The following PCCA variants were observed in gnomAD, a reference collection of about 807,000 sequenced individuals.
PCCA encodes propionyl-CoA carboxylase alpha chain, mitochondrial.
A neutral mutation model predicts 101.3 loss-of-function variants in PCCA; 74 were observed. That is an observed-to-expected ratio of 0.73 (90% confidence interval 0.61 to 0.89). The LOEUF is 0.89. PCCA is among the 40% of genes least tolerant of loss of function. The pLI, the probability that PCCA is intolerant of heterozygous loss-of-function variation, is 0.00. For missense variants in PCCA, 891 were observed against 907.0 expected (o/e 0.98, Z 0.23); for synonymous variants, 294 against 313.6 (o/e 0.94, Z 0.66).
At chr13:100,175,469 T>C (rs562467995) in intron 6 of PCCA, among the ~76,000 whole-genome samples, 1 of 152,342 alleles carries the variant, frequency 6.6e-6, no homozygotes, top group African/African-American at 2.4e-5. Flanking sequence ...GACAGGCTGC[T>C]CTGTTTTGCA....
In PCCA at chr13:100,175,989, T is replaced by TA. The variant is rs1261898334; in HGVS notation, c.468+18650dup. Reference sequence around the variant, plus strand: ...ACCTGGTTCCTGTACCCCTTCTAACTATGAAGCCAAGTCTGATCGTTATGC... The same window carrying TA: ...ACCTGGTTCCTGTACCCCTTCTAACTAATGAAGCCAAGTCTGATCGTTATGC... On this transcript the variant is annotated intron_variant, in intron 6 of 23. Transcript: ENST00000376285. Among the ~76,000 whole-genome samples the TA allele has an allele frequency of 5.3e-5, 8 of 152,342 alleles. No homozygotes were observed. The East Asian group carries it at 1.5e-3, about 29-fold the overall frequency.
intron 21 of PCCA, among the ~76,000 whole-genome samples, chr13:100,514,255 CAAATCCA>C (rs2086678522): frequency 1.3e-5 from 2 of 152,170 alleles, no homozygotes; most frequent in East Asian, 3.8e-4. Flanking sequence ...CACAGTGTCG[CAAATCCA>C]CTTGGAACTT....
chr13:100,296,523 A>AT (rs1419606755), intron 12 of PCCA, among the ~76,000 whole-genome samples: 1 of 151,402 alleles, frequency 6.6e-6, no homozygotes. Flanking sequence ...GAGTTCTGGG[A>AT]TTATAGGGGT....
At chr13:100,525,248 C>G (rs2087691087) in intron 22 of PCCA, among the ~76,000 whole-genome samples, 1 of 152,170 alleles carries the variant, frequency 6.6e-6, no homozygotes, top group Non-Finnish European at 1.5e-5. Flanking sequence ...TTGCCGGACT[C>G]TCACAATCAG....
chr13:100,359,088 A>T (rs2074267522), intron 18 of PCCA, among the ~76,000 whole-genome samples: 2 of 114,870 alleles, frequency 1.7e-5, no homozygotes, highest in South Asian at 5.6e-4. Context: ...CAACAGAGCA[A>T]GACTCCTCAA....
At chr13:100,214,517 C>T (rs922033126) in intron 7 of PCCA, among the ~76,000 whole-genome samples, 4 of 151,694 alleles carry the variant, frequency 2.6e-5, no homozygotes, top group East Asian at 1.9e-4. Context: ...CTCTGCCTCC[C>T]GGGTTCAAGC....
chr13:100,479,111 G>A (rs1299953212), intron 21 of PCCA, among the ~76,000 whole-genome samples: 1 of 152,130 alleles, frequency 6.6e-6, no homozygotes, highest in Non-Finnish European at 1.5e-5. Context: ...AAATAGCTGG[G>A]CCCTTTTAGG....
chr13:100,117,550 A>C (rs2048913214), intron 4 of PCCA, among the ~76,000 whole-genome samples: 1 of 151,376 alleles, frequency 6.6e-6, no homozygotes, highest in Non-Finnish European at 1.5e-5. Context: ...GCACGTTCTC[A>C]CTCATAGGTG....
At chr13:100,305,739 AT>A in intron 14 of PCCA, 3 of 374,472 alleles carry the variant, frequency 8.0e-6, no homozygotes, top group South Asian at 2.3e-5. Flanking sequence ...TGCTCCATTA[AT>A]TTTTTTCTAG....
intron 21 of PCCA, among the ~76,000 whole-genome samples, chr13:100,505,273 G>A (rs936318430): frequency 5.9e-5 from 9 of 152,092 alleles, no homozygotes; most frequent in South Asian, 4.1e-4. Flanking sequence ...TGTTTATTTT[G>A]TATTCTTACA....
At chr13:100,233,652 A>G (rs9300595) in intron 7 of PCCA, among the ~76,000 whole-genome samples, 8,732 of 152,170 alleles carry the variant, frequency 0.057, 344 homozygotes, top group South Asian at 0.12. Context: ...TGAAACAGTA[A>G]TAGAGATTTT....
At chr13:100,395,062 A>G (rs933389243) in intron 19 of PCCA, among the ~76,000 whole-genome samples, 1 of 152,176 alleles carries the variant, frequency 6.6e-6, no homozygotes, top group Non-Finnish European at 1.5e-5. Flanking sequence ...CATATCTAAA[A>G]CTTTCTTTGC....
intron 18 of PCCA, among the ~76,000 whole-genome samples, chr13:100,365,802 C>G (rs1450975443): frequency 6.6e-6 from 1 of 152,166 alleles, no homozygotes; most frequent in Admixed American, 6.5e-5. Context: ...ACCTCCCTAT[C>G]AATGCAGATA....
intron 22 of PCCA, among the ~76,000 whole-genome samples, chr13:100,518,155 T>G (rs2086974281): frequency 6.7e-6 from 1 of 150,240 alleles, no homozygotes; most frequent in African/African-American, 2.5e-5. Flanking sequence ...TATTCTGTTT[T>G]TCTTTGAAAT....
intron 18 of PCCA, among the ~76,000 whole-genome samples, chr13:100,361,577 TC>T (rs1286298853): frequency 6.6e-6 from 1 of 151,668 alleles, no homozygotes. Flanking sequence ...CTTTCACAAA[TC>T]AATAAAAATA....
At position 100,517,926 on chromosome 13, in the gene PCCA, C is replaced by T. The variant is rs182655319; in HGVS notation, c.2040+2359C>T. On this transcript the variant is annotated intron_variant, in intron 22 of 23. Coordinates refer to ENST00000376285, the MANE Select transcript of PCCA (RefSeq NM_000282.4). ...AAGAAGCTTCCTTGGACCAGAGGCA[C>T]GTCACTTACTTGAGGCCATTGTGAG... 2.6e-5 allele frequency among the ~76,000 whole-genome samples: 4 copies of T among 152,266 alleles called. No individual in the cohort carries two copies. In the East Asian group the frequency reaches 5.8e-4, roughly 22 times the overall value.
intron 4 of PCCA, among the ~76,000 whole-genome samples, chr13:100,128,172 A>T (rs1780060932): frequency 6.6e-6 from 1 of 152,234 alleles, no homozygotes; most frequent in Non-Finnish European, 1.5e-5. Context: ...GTTGCCAAAG[A>T]TCACTGGGCT....
rs77827593 is a variant in PCCA at position 100,095,623 on chromosome 13, A to G, written c.105+6398A>G. On this transcript the variant is annotated intron_variant, in intron 1 of 23. Coordinates refer to ENST00000376285, the MANE Select transcript of PCCA (RefSeq NM_000282.4). ...CTGAGCCAGCCAGCCATGTGACTAT[A>G]TGGGGGCCTAGCATTGCAGACCAAG... 2.3e-3 allele frequency among the ~76,000 whole-genome samples: 348 copies of G among 152,260 alleles called. 10 individuals are homozygous for G. The East Asian group carries it at 0.057, about 25-fold the overall frequency.
At chr13:100,517,234 C>T (rs553680532) in intron 22 of PCCA, among the ~76,000 whole-genome samples, 21 of 152,346 alleles carry the variant, frequency 1.4e-4, no homozygotes, top group African/African-American at 4.6e-4. Context: ...GCCCCTCACA[C>T]GGCCCTCAAG....
Sources: gnomAD v4.1 joint callset for allele counts (sites outside exome capture counted in the v4.1 genomes callset) on GRCh38, gnomAD v4.1.1 for gene constraint, MANE v1.5 for transcripts, NCBI Gene and HGNC (gene_info 2026-07-23, HGNC 2026-07-21) for gene names.